The following RBM47 variants were observed in gnomAD, a reference collection of about 807,000 sequenced individuals.
The protein encoded by RBM47 is RNA binding motif protein 47.
Under a neutral mutation model 47.1 loss-of-function variants are expected in RBM47, and 21 were observed. That is an observed-to-expected ratio of 0.45 (90% confidence interval 0.32 to 0.64). The LOEUF is 0.64. Among genes scored for constraint, RBM47 ranks in the 30% least tolerant of loss-of-function variants. The probability of loss-of-function intolerance (pLI) is 0.05; values close to 1 mark genes in which losing one functional copy is unlikely to be tolerated. For missense variants in RBM47, 708 were observed against 870.9 expected (o/e 0.81, Z 2.35); for synonymous variants, 375 against 361.7 (o/e 1.04, Z -0.42).
rs1553897873 is a variant in RBM47, at chr4:40,535,371, C to CTTTTTTTTTTTTTTTTTCTTTTT, written c.-155+9050_-155+9051insAAAAAGAAAAAAAAAAAAAAAAA. Among the ~76,000 whole-genome samples, 148 of 103,418 alleles carry CTTTTTTTTTTTTTTTTTCTTTTT rather than the reference C, an allele frequency of 1.4e-3. 5 individuals are homozygous for CTTTTTTTTTTTTTTTTTCTTTTT. Among genetic ancestry groups the CTTTTTTTTTTTTTTTTTCTTTTT allele is most frequent in the African/African-American group, 3.5e-3 (81 of 23,090 alleles). 67.8% of individuals were successfully genotyped at this position (103,418 alleles called of 152,430 possible). On this transcript the variant is annotated intron_variant, in intron 2 of 6. Transcript: ENST00000295971. Reference sequence around the variant, plus strand: ...TTCATACCAGCCTGGTATGGTATTTCTTTTTTTTTTTTTTTTTTTGAGACG... The same window carrying CTTTTTTTTTTTTTTTTTCTTTTT: ...TTCATACCAGCCTGGTATGGTATTTCTTTTTTTTTTTTTTTTTCTTTTTTTTTTTTTTTTTTTTTTTTGAGACG...
intron 1 of RBM47, among the ~76,000 whole-genome samples, chr4:40,544,982 C>CTGTT (rs1433464245): frequency 2.8e-4 from 42 of 151,482 alleles, no homozygotes; most frequent in African/African-American, 8.7e-4. Flanking sequence ...ATCACTTGAG[C>CTGTT]CTAGGAGTTC....
intron 2 of RBM47, among the ~76,000 whole-genome samples, chr4:40,538,317 T>C (rs1158618302): frequency 1.4e-5 from 2 of 147,924 alleles, no homozygotes; most frequent in East Asian, 4.0e-4. Flanking sequence ...GGATGCTCTT[T>C]TATTGGTATT....
rs1268360612 is a variant in RBM47 at position 40,426,104 on chromosome 4, C to T, written c.1582G>A (p.Val528Ile). ...ATCCCGGCAGTAGGAATTCTCTGAA[C>T]GTTTGGAGCCACCGTGTATACTGGA... ...ITPVYTVAPN[V>I]QRIPTAGIYG... is the part of the protein sequence containing the mutation. The change falls in exon 7 of 7, where the codon GTT (valine) becomes ATT (isoleucine). Residue 528 changes from valine to isoleucine, a missense_variant. By Grantham distance (29) the Val-to-Ile change is conservative. Coordinates refer to ENST00000295971, the MANE Select transcript of RBM47 (RefSeq NM_001098634.2). The T allele has an allele frequency of 1.9e-6, 3 of 1,614,052 alleles. No individual in the cohort carries two copies. Among genetic ancestry groups the T allele is most frequent in the South Asian group, 1.1e-5 (1 of 91,086 alleles).
At chr4:40,605,049 T>A (rs1017628018) in intron 1 of RBM47, among the ~76,000 whole-genome samples, 2 of 150,320 alleles carry the variant, frequency 1.3e-5, no homozygotes, top group African/African-American at 4.9e-5. Flanking sequence ...TGTTAAGGAG[T>A]TTCGCTCTTG....
chr4:40,432,684 GACAGCGGCT>G lies in RBM47; in HGVS notation c.1500_1508del (p.Ala501_Val503del), dbSNP rs781538042. The G allele has an allele frequency of 2.5e-6, 4 of 1,610,762 alleles. No homozygotes were observed. Among genetic ancestry groups the G allele is most frequent in the Non-Finnish European group, 2.5e-6 (3 of 1,179,550 alleles). On this transcript the variant is annotated inframe_deletion, in exon 6 of 7. Transcript: ENST00000295971. ...GTGGTGGCGTCGACACAGTGGGAAT[GACAGCGGCT>G]GCGGCGGCTGCGGCCGCGGCTGCGG... is the stretch of plus-strand genomic sequence containing the variant.
intron 1 of RBM47, among the ~76,000 whole-genome samples, chr4:40,620,870 GATAAGAAATAAGA>G (rs1737206926): frequency 6.6e-6 from 1 of 152,038 alleles, no homozygotes; most frequent in Admixed American, 6.5e-5. Flanking sequence ...CAGTGCATAT[GATAAGAAATAAGA>G]TGATTTGCAG....
intron 3 of RBM47, among the ~76,000 whole-genome samples, chr4:40,446,695 T>G (rs541909897): frequency 7.3e-6 from 1 of 137,528 alleles, no homozygotes; most frequent in South Asian, 2.2e-4. Flanking sequence ...GCTATGATTG[T>G]GCCACTGTAC....
chr4:40,485,333 G>C lies in RBM47; in HGVS notation c.-154-18634C>G, dbSNP rs561005925. On this transcript the variant is annotated intron_variant, in intron 2 of 6. Coordinates refer to ENST00000295971, the MANE Select transcript of RBM47 (RefSeq NM_001098634.2). ...AGCTCAATCTTGTTACCTGTTTGGTGAACAACTCTGGAAAGTCAGGATAAA... is the reference window on the plus strand; with the variant it reads ...AGCTCAATCTTGTTACCTGTTTGGTCAACAACTCTGGAAAGTCAGGATAAA... Among the ~76,000 whole-genome samples the C allele has an allele frequency of 7.9e-5, 12 of 152,326 alleles. 1 individual carries two copies. In the South Asian group the frequency reaches 2.3e-3, roughly 29 times the overall value.
intron 2 of RBM47, among the ~76,000 whole-genome samples, chr4:40,518,346 T>C (rs909715258): frequency 2.4e-4 from 36 of 151,776 alleles, no homozygotes; most frequent in African/African-American, 8.5e-4. Context: ...CCGGCTAATT[T>C]TGCTATTTTT....
chr4:40,497,869 G>C (rs1256495125), intron 2 of RBM47, among the ~76,000 whole-genome samples: 1 of 149,992 alleles, frequency 6.7e-6, no homozygotes, highest in Non-Finnish European at 1.5e-5. Flanking sequence ...TATGGTTCCA[G>C]CTACTTGGAA....
chr4:40,492,382 GA>G (rs1057486199), intron 2 of RBM47, among the ~76,000 whole-genome samples: 2 of 151,954 alleles, frequency 1.3e-5, no homozygotes, highest in African/African-American at 4.8e-5. Flanking sequence ...GTAAAGAAAA[GA>G]AAAAAATAAT....
intron 2 of RBM47, chr4:40,515,816 T>C (rs1368618151): frequency 6.6e-6 from 1 of 152,238 alleles, no homozygotes; most frequent in Non-Finnish European, 1.5e-5. Flanking sequence ...AGAGCAGTTC[T>C]TGACAGTTTT....
intron 1 of RBM47, among the ~76,000 whole-genome samples, chr4:40,586,191 T>C (rs16852366): frequency 0.01 from 1,569 of 152,298 alleles, 30 homozygotes; most frequent in African/African-American, 0.035. Context: ...GTGCTGAATG[T>C]GAGCATAACT....
At chr4:40,445,994 C>T (rs1355241590) in intron 3 of RBM47, among the ~76,000 whole-genome samples, 1 of 152,198 alleles carries the variant, frequency 6.6e-6, no homozygotes, top group Non-Finnish European at 1.5e-5. Flanking sequence ...GTTTAGGCTT[C>T]GTAGCATGTT....
intron 1 of RBM47, among the ~76,000 whole-genome samples, chr4:40,556,661 G>A (rs757782552): frequency 2.6e-5 from 4 of 152,100 alleles, no homozygotes; most frequent in East Asian, 1.9e-4. Context: ...AGACTGAGGC[G>A]GGAGGATCAC....
chr4:40,607,542 A>G (rs1264070707), intron 1 of RBM47, among the ~76,000 whole-genome samples: 1 of 152,126 alleles, frequency 6.6e-6, no homozygotes, highest in Non-Finnish European at 1.5e-5. Flanking sequence ...CTCCATCTCT[A>G]CAAAAAATTT....
At position 40,502,151 on chromosome 4, in the gene RBM47, T is replaced by TGA. The variant is rs762539573; in HGVS notation, c.-154-35454_-154-35453dup. ...AGAATGAATTTACAGAGGCCAAGCT[T>TGA]GAGCATTTTGTAACTGTTTCTGACA... is the stretch of plus-strand genomic sequence containing the variant. On this transcript the variant is annotated intron_variant, in intron 2 of 6. Coordinates refer to ENST00000295971, the MANE Select transcript of RBM47 (RefSeq NM_001098634.2). 8 of 154,288 alleles carry TGA rather than the reference T, an allele frequency of 5.2e-5. No homozygotes were observed. In the Middle Eastern group the frequency reaches 1.5e-3, roughly 30 times the overall value. The allele number at this position is 154,288 out of a possible 1,614,324, so 9.6% of individuals were successfully genotyped here.
chr4:40,544,206 G>T (rs959538970), intron 2 of RBM47: 1 of 152,176 alleles, frequency 6.6e-6, no homozygotes, highest in Non-Finnish European at 1.5e-5. Context: ...CTTTTTGGCT[G>T]TGGGAGTCCT....
rs184976970 is a variant in RBM47 at position 40,447,917 on chromosome 4, A to G, written c.-31-8993T>C. On this transcript the variant is annotated intron_variant, in intron 3 of 6. Coordinates refer to ENST00000295971, the MANE Select transcript of RBM47 (RefSeq NM_001098634.2). ...TCCCAGTTACTCTGGAGGCCGAGGC[A>G]GGAGAATGGCGTGAACCCGGGAGGT... 6.3e-3 allele frequency among the ~76,000 whole-genome samples: 959 copies of G among 152,352 alleles called. 11 individuals carry two copies. Among genetic ancestry groups the G allele is most frequent in the African/African-American group, 0.022 (910 of 41,586 alleles).
Sources: gnomAD v4.1 joint callset for allele counts (sites outside exome capture counted in the v4.1 genomes callset) on GRCh38, gnomAD v4.1.1 for gene constraint, MANE v1.5 for transcripts, NCBI Gene and HGNC (gene_info 2026-07-23, HGNC 2026-07-21) for gene names.